CORO6: variants seen among roughly 807,000 people sequenced by gnomAD.
CORO6 encodes the protein coronin-6.
In CORO6, 43 loss-of-function variants were observed where a neutral mutation model predicts 49.0. That is an observed-to-expected ratio of 0.88 (90% CI 0.69 to 1.13). CORO6 has a LOEUF of 1.13. Ranked by LOEUF, CORO6 falls within the 50% of genes most tolerant of loss-of-function variation. CORO6 has a pLI of 0.00. For missense variants in CORO6, 650 were observed against 647.0 expected, an observed-to-expected ratio of 1.00 and a Z score of -0.05; for synonymous variants, 233 against 256.5, an observed-to-expected ratio of 0.91 and a Z score of 0.88.
In CORO6 at chr17:29,616,586, T is replaced by TC; in HGVS notation, c.1004+115dup. 7.2e-7 allele frequency: 1 copy of TC among 1,386,210 alleles called. No homozygotes were observed. Among genetic ancestry groups the TC allele is most frequent in the Non-Finnish European group, 9.9e-7 (1 of 1,005,184 alleles). 85.9% of individuals were successfully genotyped at this position (1,386,210 alleles called of 1,614,324 possible). A position where few individuals can be genotyped will look rare whatever the true frequency, so the allele number is the denominator to read the frequency against. ...CTGGCACTGAAACAGAGCTGTCTTA[T>TC]CCCCCCGCCCCGCTTTTCCAAAGCA... is the stretch of plus-strand genomic sequence containing the variant. On this transcript the variant is annotated intron_variant, in intron 8 of 10. Coordinates refer to ENST00000388767, the MANE Select transcript of CORO6 (RefSeq NM_032854.4). This position sits in a 1 kb window ranked among gnomAD's most constrained non-coding sequence, Gnocchi z 5.6.
chr17:29,620,959 C>T (rs143051080), intron 2 of CORO6, among the ~76,000 whole-genome samples: 29 of 152,244 alleles, frequency 1.9e-4, no homozygotes, highest in East Asian at 9.6e-4. Context: ...CTCCATCACC[C>T]GGCTCCCCTC....
At chr17:29,620,853 G>C (rs533839126) in intron 2 of CORO6, among the ~76,000 whole-genome samples, 1 of 152,288 alleles carries the variant, frequency 6.6e-6, no homozygotes, top group African/African-American at 2.4e-5. Flanking sequence ...TTGGGCTAGG[G>C]AGGAGGTTCT....
In CORO6 at chr17:29,616,824, A is replaced by G; in HGVS notation, c.882T>C (p.Phe294=). ...CGKGDSSIRY[F]EITDEPPFVH... ...CGAAAGGCGGCTCGTCGGTAATCTCAAAGTACCGAATGCTGCTGTCGCCCT... is the reference window on the plus strand; with the variant it reads ...CGAAAGGCGGCTCGTCGGTAATCTCGAAGTACCGAATGCTGCTGTCGCCCT... The change falls in exon 8 of 11, where the codon TTT becomes TTC. Residue 294 remains phenylalanine, a synonymous_variant. Coordinates refer to ENST00000388767, the MANE Select transcript of CORO6 (RefSeq NM_032854.4). This position sits in a 1 kb window ranked among gnomAD's most constrained non-coding sequence, Gnocchi z 5.6. 6.2e-7 allele frequency: 1 copy of G among 1,609,782 alleles called. No individual in the cohort carries two copies. Among genetic ancestry groups the G allele is most frequent in the Non-Finnish European group, 8.5e-7 (1 of 1,176,550 alleles).
In CORO6 at chr17:29,615,875, G is replaced by C; in HGVS notation, c.1294-18C>G. The C allele has an allele frequency of 6.2e-7, 1 of 1,600,802 alleles. No homozygotes were observed. The highest frequency in any genetic ancestry group is 8.5e-7 in the Non-Finnish European group (1 of 1,174,448). ...TGCTGCTGCTGGGGCGGAGGACAGA[G>C]AGGCCGTGTCGTATAGGGGCGGTTG... is the stretch of plus-strand genomic sequence containing the variant. On this transcript the variant is annotated intron_variant, in intron 10 of 10. Coordinates refer to ENST00000388767, the MANE Select transcript of CORO6 (RefSeq NM_032854.4).
At position 29,621,300 on chromosome 17, in the gene CORO6, G is replaced by A; in HGVS notation, c.122C>T (p.Ala41Val). 6.2e-7 allele frequency: 1 copy of A among 1,614,174 alleles called. No homozygotes were observed. ...AATGGCCAGGAATTTGGGGTTGACG[G>A]CACAGAAGGAGCTGTCCCATGTGAC... Reference protein sequence around the residue: ...SKVTWDSSFCAVNPKFLAIIV... With the variant: ...SKVTWDSSFCVVNPKFLAIIV... The change falls in exon 2 of 11, where the codon GCC becomes GTC. Residue 41 changes from alanine to valine, a missense_variant. Ala to Val is a moderately conservative substitution (Grantham distance 64). Transcript: ENST00000388767. The surrounding 1 kb of genome is among the most constrained non-coding windows in gnomAD (Gnocchi z 4.2).
rs1369800781 is a variant in CORO6 at position 29,616,438 on chromosome 17, C to T, written c.1005-102G>A. ...GAGGCCAACACTTGCTCAGCGCCTACCATGCATATTGCACATTACACACAT... is the reference window on the plus strand; with the variant it reads ...GAGGCCAACACTTGCTCAGCGCCTATCATGCATATTGCACATTACACACAT... On this transcript the variant is annotated intron_variant, in intron 8 of 10. Transcript: ENST00000388767. This position sits in a 1 kb window ranked among gnomAD's most constrained non-coding sequence, Gnocchi z 5.6. 2 of 1,138,958 alleles carry T rather than the reference C, an allele frequency of 1.8e-6. No homozygotes were observed. Among genetic ancestry groups the T allele is most frequent in the South Asian group, 1.4e-5 (1 of 71,754 alleles). 70.6% of individuals were successfully genotyped at this position (1,138,958 alleles called of 1,614,324 possible).
In CORO6 at chr17:29,616,360, C is replaced by G; in HGVS notation, c.1005-24G>C. 6.3e-7 allele frequency: 1 copy of G among 1,585,122 alleles called. No individual in the cohort carries two copies. Among genetic ancestry groups the G allele is most frequent in the South Asian group, 1.1e-5 (1 of 87,928 alleles). ...ACCTATAAGGGAGCAGGGTTCAGCA[C>G]CCTCGCAGACTTCCACGTCCTTAAC... On this transcript the variant is annotated intron_variant, in intron 8 of 10. Coordinates refer to ENST00000388767, the MANE Select transcript of CORO6 (RefSeq NM_032854.4). The surrounding 1 kb of genome is among the most constrained non-coding windows in gnomAD (Gnocchi z 5.6).
chr17:29,619,250 C>G, intron 3 of CORO6, 61 bp from the exon 4 acceptor site: 1 of 1,582,202 alleles, frequency 6.3e-7, no homozygotes. Flanking sequence ...CCCTCCACTC[C>G]TTCCCTACCT....
At chr17:29,617,700 T>C (rs2035056188) in intron 5 of CORO6, 81 bp from the exon 6 acceptor site, 2 of 1,413,702 alleles carry the variant, frequency 1.4e-6, no homozygotes, top group Admixed American at 2.6e-5. Flanking sequence ...ACCAGCTTGC[T>C]GACTTGGGTG....
intron 5 of CORO6, chr17:29,618,208 C>T: frequency 7.5e-7 from 1 of 1,328,150 alleles, no homozygotes; most frequent in South Asian, 1.9e-5. Context: ...CCGGCGCCAG[C>T]CCCGACCGCT....
chr17:29,616,868 G>C lies in CORO6; in HGVS notation c.859-21C>G. 6.2e-7 allele frequency: 1 copy of C among 1,613,288 alleles called. No individual in the cohort carries two copies. The highest frequency in any genetic ancestry group is 1.3e-5 in the African/African-American group (1 of 75,014). On this transcript the variant is annotated intron_variant, in intron 7 of 10. Transcript: ENST00000388767. The surrounding 1 kb of genome is among the most constrained non-coding windows in gnomAD (Gnocchi z 5.6). ...TCGCCCTGCAAAATCAGTCGGTTCAGGGGCGCGCCCGGACAAGGCCCTCCA... is the reference window on the plus strand; with the variant it reads ...TCGCCCTGCAAAATCAGTCGGTTCACGGGCGCGCCCGGACAAGGCCCTCCA...
intron 5 of CORO6, chr17:29,618,489 T>C (rs138126589): frequency 1.4e-4 from 180 of 1,309,568 alleles, no homozygotes; most frequent in African/African-American, 1.4e-3. Flanking sequence ...ATGCAGGTTC[T>C]GGTGGGAGGA....
At chr17:29,619,013 T>C in intron 4 of CORO6, 42 bp from the exon 5 acceptor site, 1 of 1,612,124 alleles carries the variant, frequency 6.2e-7, no homozygotes, top group Non-Finnish European at 8.5e-7. Flanking sequence ...GTCCCACCTT[T>C]GCCACCACCC....
Position 29,618,890 on chromosome 17 carries a change from A to G in CORO6, c.533T>C (p.Ile178Thr). The change falls in exon 5 of 11, where the codon ATC becomes ACC. Residue 178 changes from isoleucine (I) to threonine (T), a missense_variant. Coordinates refer to ENST00000388767, the MANE Select transcript of CORO6 (RefSeq NM_032854.4). ...GTTGCTGTTCCAGCACACACTGTGG[A>G]TGACGTCTGGGTGCATATCATCCAG... The part of the protein sequence containing the change: ...LSLDDMHPDV[I>T]HSVCWNSNGS... 1 of 1,613,834 alleles carries G rather than the reference A, an allele frequency of 6.2e-7. No homozygotes were observed.
In CORO6 at chr17:29,616,398, A is replaced by T. The variant is rs2150920566; in HGVS notation, c.1005-62T>A. 6.6e-7 allele frequency: 1 copy of T among 1,511,328 alleles called. No homozygotes were observed. Among genetic ancestry groups the T allele is most frequent in the East Asian group, 2.4e-5 (1 of 42,254 alleles). The allele number at this position is 1,511,328 out of a possible 1,614,324, so 93.6% of individuals were successfully genotyped here. A position where few individuals can be genotyped will look rare whatever the true frequency, so the allele number is the denominator to read the frequency against. On this transcript the variant is annotated intron_variant, in intron 8 of 10. Coordinates refer to ENST00000388767, the MANE Select transcript of CORO6 (RefSeq NM_032854.4). This position sits in a 1 kb window ranked among gnomAD's most constrained non-coding sequence, Gnocchi z 5.6. ...CCACGTCCTTAACTTCTCCTGTCTAAGACCAAGGGGGTTGGAGGCCAACAC... is the reference window on the plus strand; with the variant it reads ...CCACGTCCTTAACTTCTCCTGTCTATGACCAAGGGGGTTGGAGGCCAACAC...
At position 29,618,099 on chromosome 17, in the gene CORO6, G is replaced by A. The variant is rs1346210569; in HGVS notation, c.634-480C>T. 5 of 1,477,066 alleles carry A rather than the reference G, an allele frequency of 3.4e-6. No homozygotes were observed. In the African/African-American group the frequency reaches 7.3e-5, roughly 22 times the overall value. 91.5% of individuals were successfully genotyped at this position (1,477,066 alleles called of 1,614,324 possible). ...CACTCATCCTGCTGAAGCCGGTGCTGAGCAGCTTCCCGTCTGCGGTGAAGA... is the reference window on the plus strand; with the variant it reads ...CACTCATCCTGCTGAAGCCGGTGCTAAGCAGCTTCCCGTCTGCGGTGAAGA... On this transcript the variant is annotated intron_variant, in intron 5 of 10. Coordinates refer to ENST00000388767, the MANE Select transcript of CORO6 (RefSeq NM_032854.4).
chr17:29,616,429 C>A lies in CORO6; in HGVS notation c.1005-93G>T. The A allele has an allele frequency of 8.1e-7, 1 of 1,232,390 alleles. No homozygotes were observed. The highest frequency in any genetic ancestry group is 1.3e-5 in the South Asian group (1 of 74,776). 76.3% of individuals were successfully genotyped at this position (1,232,390 alleles called of 1,614,324 possible). A position where few individuals can be genotyped will look rare whatever the true frequency, so the allele number is the denominator to read the frequency against. On this transcript the variant is annotated intron_variant, in intron 8 of 10. Coordinates refer to ENST00000388767, the MANE Select transcript of CORO6 (RefSeq NM_032854.4). The surrounding 1 kb of genome is among the most constrained non-coding windows in gnomAD (Gnocchi z 5.6). ...AGGGGGTTGGAGGCCAACACTTGCTCAGCGCCTACCATGCATATTGCACAT... is the reference window on the plus strand; with the variant it reads ...AGGGGGTTGGAGGCCAACACTTGCTAAGCGCCTACCATGCATATTGCACAT...
intron 5 of CORO6, chr17:29,618,428 G>A (rs927258896): frequency 2.3e-6 from 3 of 1,282,354 alleles, no homozygotes; most frequent in Admixed American, 3.8e-5. Context: ...GACCCTGGAA[G>A]ATGCGTCTGG....
rs779547196 is a variant in CORO6, at chr17:29,616,191, G to A, written c.1063-16C>T. The stretch of plus-strand genomic sequence containing the variant: ...AGAGGTCTGACTGCGGGGGTGGGTG[G>A]ACAGGAGGACTTGCGTGAGAGGGTG... On this transcript the variant is annotated splice_polypyrimidine_tract_variant and intron_variant, in intron 9 of 10. Coordinates refer to ENST00000388767, the MANE Select transcript of CORO6 (RefSeq NM_032854.4). This position sits in a 1 kb window ranked among gnomAD's most constrained non-coding sequence, Gnocchi z 5.6. 6.2e-7 allele frequency: 1 copy of A among 1,611,088 alleles called. No homozygotes were observed. Among genetic ancestry groups the A allele is most frequent in the East Asian group, 2.2e-5 (1 of 44,804 alleles).
Sources: allele counts gnomAD v4.1 joint callset (sites outside exome capture counted in the v4.1 genomes callset), GRCh38; gene constraint gnomAD v4.1.1; non-coding constraint Gnocchi (gnomAD v3.1); transcripts MANE v1.5; gene names NCBI Gene and HGNC (gene_info 2026-07-23, HGNC 2026-07-21).